EPHA7: variants seen among roughly 807,000 people sequenced by gnomAD.
EPHA7 encodes ephrin type-A receptor 7.
EPHA7 carries 25 observed loss-of-function variants against 112.6 expected under a neutral mutation model. That is an observed-to-expected ratio of 0.22 (90% CI 0.16 to 0.31). EPHA7 has a LOEUF of 0.31. Among genes scored for constraint, EPHA7 ranks in the 10% least tolerant of loss-of-function variants. EPHA7 has a pLI of 1.00. For synonymous variants in EPHA7, 437 were observed against 406.5 expected (o/e 1.07, Z -0.90); for missense variants, 962 against 1,212.6 (o/e 0.79, Z 3.07).
intron 14 of EPHA7, among the ~76,000 whole-genome samples, chr6:93,251,853 C>T (rs1386274): frequency 0.65 from 98,227 of 151,782 alleles, 32,840 homozygotes; most frequent in South Asian, 0.83. Context: ...TTTAGAAGAA[C>T]GAAAGTTGGA....
intron 3 of EPHA7, among the ~76,000 whole-genome samples, chr6:93,394,949 A>G (rs980637215): frequency 6.6e-6 from 1 of 151,844 alleles, no homozygotes; most frequent in African/African-American, 2.4e-5. Flanking sequence ...TTTTACTTAC[A>G]AAATACAGCA....
Position 93,264,656 on chromosome 6 carries a change from C to A in EPHA7, c.1680G>T (p.Val560=), listed in dbSNP as rs1473289315. ...SEQNPVIIIA[V]VAVAGTIILV... is the part of the protein sequence containing the mutation. ...AAATGATGGTCCCAGCTACAGCAACCACAGCAATGATAATAACAGGATTCT... is the reference window on the plus strand; with the variant it reads ...AAATGATGGTCCCAGCTACAGCAACAACAGCAATGATAATAACAGGATTCT... The change falls in exon 8 of 17, where the codon GTG becomes GTT. Residue 560 remains valine (V), a synonymous_variant. Transcript: ENST00000369303. 2 of 1,607,518 alleles carry A rather than the reference C, an allele frequency of 1.2e-6. No individual in the cohort carries two copies. The highest frequency in any genetic ancestry group is 1.7e-6 in the Non-Finnish European group (2 of 1,175,984).
chr6:93,363,118 C>T (rs1262840558), intron 3 of EPHA7, among the ~76,000 whole-genome samples: 1 of 152,038 alleles, frequency 6.6e-6, no homozygotes, highest in Non-Finnish European at 1.5e-5. Flanking sequence ...ATTAGGAAGG[C>T]TTTGATAGGA....
chr6:93,259,786 C>T (rs913244762), intron 9 of EPHA7, among the ~76,000 whole-genome samples: 1 of 151,914 alleles, frequency 6.6e-6, no homozygotes, highest in African/African-American at 2.4e-5. Flanking sequence ...AAATTCACTG[C>T]TATCATGGCA....
chr6:93,384,111 G>A (rs185661974), intron 3 of EPHA7, among the ~76,000 whole-genome samples: 1 of 152,252 alleles, frequency 6.6e-6, no homozygotes, highest in Admixed American at 6.5e-5. Context: ...AGTTAGTTTG[G>A]CTGAAGTGAA....
intron 5 of EPHA7, among the ~76,000 whole-genome samples, chr6:93,326,421 G>A (rs540946908): frequency 6.6e-6 from 1 of 151,540 alleles, no homozygotes; most frequent in South Asian, 2.1e-4. Context: ...ATAGTTTCTT[G>A]TGTTAACTGT....
intron 5 of EPHA7, among the ~76,000 whole-genome samples, chr6:93,284,450 G>T (rs958238583): frequency 6.6e-6 from 1 of 152,008 alleles, no homozygotes; most frequent in African/African-American, 2.4e-5. Flanking sequence ...AAGATCAGCA[G>T]CAGCAGGGGG....
At chr6:93,406,263 G>A (rs1226729544) in intron 3 of EPHA7, among the ~76,000 whole-genome samples, 4 of 151,446 alleles carry the variant, frequency 2.6e-5, no homozygotes, top group Non-Finnish European at 4.4e-5. Context: ...TGATATATGT[G>A]CATGTAAATC....
At chr6:93,321,578 A>T (rs1380947821) in intron 5 of EPHA7, among the ~76,000 whole-genome samples, 1 of 151,988 alleles carries the variant, frequency 6.6e-6, no homozygotes, top group Non-Finnish European at 1.5e-5. Flanking sequence ...GACAAAAATT[A>T]TAATATCTGA....
intron 3 of EPHA7, among the ~76,000 whole-genome samples, chr6:93,403,248 T>A (rs1051333389): frequency 5.9e-5 from 9 of 151,838 alleles, no homozygotes; most frequent in African/African-American, 2.2e-4. Context: ...AGAAAGAAAA[T>A]CTTTGCTTTG....
intron 1 of EPHA7, among the ~76,000 whole-genome samples, chr6:93,416,135 G>A (rs555203333): frequency 2.6e-5 from 4 of 151,892 alleles, no homozygotes; most frequent in Admixed American, 2.6e-4. Context: ...CCTTTCAAAT[G>A]AGAAACACAC....
At chr6:93,344,798 T>C (rs185563859) in intron 5 of EPHA7, among the ~76,000 whole-genome samples, 17 of 151,708 alleles carry the variant, frequency 1.1e-4, no homozygotes, top group African/African-American at 4.1e-4. Context: ...AGCCCCCTTA[T>C]TCAACTGGCC....
At chr6:93,306,070 C>T (rs979537515) in intron 5 of EPHA7, among the ~76,000 whole-genome samples, 1 of 151,920 alleles carries the variant, frequency 6.6e-6, no homozygotes, top group African/African-American at 2.4e-5. Context: ...ACTATTTATG[C>T]AAGAATCATA....
chr6:93,353,034 A>G (rs1451891359), intron 5 of EPHA7, among the ~76,000 whole-genome samples: 1 of 152,132 alleles, frequency 6.6e-6, no homozygotes, highest in Non-Finnish European at 1.5e-5. Flanking sequence ...ACTAATTCCC[A>G]TGACACAAGT....
At chr6:93,280,976 A>C (rs979812707) in intron 5 of EPHA7, among the ~76,000 whole-genome samples, 16 of 152,186 alleles carry the variant, frequency 1.1e-4, no homozygotes, top group African/African-American at 3.6e-4. Context: ...TTTGAGAATA[A>C]TTCCTTTAAA....
In EPHA7 at chr6:93,240,788, G is replaced by A. The variant is rs1282500409; in HGVS notation, c.*2638C>T. 2 of 210,598 alleles carry A rather than the reference G, an allele frequency of 9.5e-6. No individual in the cohort carries two copies. Among genetic ancestry groups the A allele is most frequent in the Admixed American group, 5.9e-5 (1 of 16,974 alleles). The allele number at this position is 210,598 out of a possible 1,614,324, so 13.0% of individuals were successfully genotyped here. On this transcript the variant is annotated 3_prime_UTR_variant, in exon 17 of 17. Coordinates refer to ENST00000369303, the MANE Select transcript of EPHA7 (RefSeq NM_004440.4). ...AAGGTGCAAGTTGTACATTCTTATCGTTATACCATCTCATCTCTTTCTGGA... is the reference window on the plus strand; with the variant it reads ...AAGGTGCAAGTTGTACATTCTTATCATTATACCATCTCATCTCTTTCTGGA...
chr6:93,410,408 G>T lies in EPHA7; in HGVS notation c.832+93C>A. On this transcript the variant is annotated intron_variant, in intron 3 of 16. Transcript: ENST00000369303. The surrounding 1 kb of genome is among the most constrained non-coding windows in gnomAD (Gnocchi z 4.0). ...TGAATTGCGCTTCTGGTACAGAGCA[G>T]ATTCACGTATTCAAATAACTATTAA... 1 of 1,178,544 alleles carries T rather than the reference G, an allele frequency of 8.5e-7. No individual in the cohort carries two copies. Among genetic ancestry groups the T allele is most frequent in the Non-Finnish European group, 1.2e-6 (1 of 830,508 alleles). 73.0% of individuals were successfully genotyped at this position (1,178,544 alleles called of 1,614,324 possible).
rs1289972813 is a variant in EPHA7, at chr6:93,269,650, T to A, written c.1460A>T (p.Glu487Val). ...GGTTTTTACTGTTGAGTAGGTCCGT[T>A]CCCTTTGATCCTAGAAACAATATTT... The part of the protein sequence containing the change: ...EIKYYEKDQR[E>V]RTYSTVKTKS... Residue 487 changes from glutamate (E) to valine (V), a missense_variant, in exon 7 of 17, where the codon GAA becomes GTA. Physicochemically the swap from Glu to Val is moderately radical, Grantham distance 121. Around this residue, in one of 3 missense-constraint regions of EPHA7, gnomAD observed 746 missense variants for 889.2 expected, o/e 0.84. Coordinates refer to ENST00000369303, the MANE Select transcript of EPHA7 (RefSeq NM_004440.4). 6.5e-7 allele frequency: 1 copy of A among 1,527,472 alleles called. No homozygotes were observed. Among genetic ancestry groups the A allele is most frequent in the African/African-American group, 1.4e-5 (1 of 70,098 alleles). 94.6% of individuals were successfully genotyped at this position (1,527,472 alleles called of 1,614,324 possible).
At chr6:93,414,801 T>C (rs749681626) in intron 1 of EPHA7, 34 bp from the exon 2 acceptor site, 1 of 1,567,138 alleles carries the variant, frequency 6.4e-7, no homozygotes, top group Admixed American at 1.7e-5. Context: ...ATATGTTACA[T>C]GAAACACTTA....
Sources: allele counts gnomAD v4.1 joint callset (sites outside exome capture counted in the v4.1 genomes callset), GRCh38; gene constraint gnomAD v4.1.1; regional missense constraint gnomAD v4.1.1; non-coding constraint Gnocchi (gnomAD v3.1); transcripts MANE v1.5; gene names NCBI Gene and HGNC (gene_info 2026-07-23, HGNC 2026-07-21).